MARK2: variants seen among roughly 807,000 people sequenced by gnomAD.
MARK2 encodes the protein serine/threonine-protein kinase MARK2.
Under a neutral mutation model 89.8 loss-of-function variants are expected in MARK2, and 16 were observed. The ratio of observed to expected loss-of-function variants is 0.18; its 90% CI spans 0.12 to 0.27. The LOEUF is 0.27. Ranked by LOEUF, MARK2 falls within the 10% of genes least tolerant of loss-of-function variation. MARK2 has a pLI of 1.00. For missense variants in MARK2, 621 were observed against 1,049.9 expected (o/e 0.59, Z 5.65); for synonymous variants, 382 against 399.5 (o/e 0.96, Z 0.52).
rs561231022 is a variant in MARK2 at position 63,866,496 on chromosome 11, A to G, written c.54+26936A>G. Among the ~76,000 whole-genome samples, 32 of 152,332 alleles carry G rather than the reference A, an allele frequency of 2.1e-4. 1 individual carries two copies. Among genetic ancestry groups the G allele is most frequent in the South Asian group, 1.4e-3 (7 of 4,830 alleles). Reference sequence around the variant, plus strand: ...ATCTCTTAATGACAAAATGTCAAACACTGATGTTAAACCTTCATTATGACT... The same window carrying G: ...ATCTCTTAATGACAAAATGTCAAACGCTGATGTTAAACCTTCATTATGACT... On this transcript the variant is annotated intron_variant, in intron 1 of 18. Coordinates refer to ENST00000402010, the MANE Select transcript of MARK2 (RefSeq NM_001039469.3).
At chr11:63,889,013 C>A in intron 1 of MARK2, 1 of 1,295,336 alleles carries the variant, frequency 7.7e-7, no homozygotes, top group Non-Finnish European at 1.0e-6. Flanking sequence ...CTCTTTCTTT[C>A]CTCTCATCTC....
chr11:63,902,141 A>G lies in MARK2; in HGVS notation c.1102-57A>G, dbSNP rs574319745. The stretch of plus-strand genomic sequence containing the variant: ...GCGGTATGTGTAAATGTGTCCATCC[A>G]TAGGGATCTCCACATGACTTCTGCC... On this transcript the variant is annotated intron_variant, in intron 11 of 18. Transcript: ENST00000402010. The surrounding 1 kb of genome is among the most constrained non-coding windows in gnomAD (Gnocchi z 4.2). 1.3e-4 allele frequency: 213 copies of G among 1,598,464 alleles called. 3 individuals carry two copies. Among genetic ancestry groups the G allele is most frequent in the South Asian group, 9.9e-4 (90 of 90,554 alleles).
At chr11:63,867,944 A>G (rs1485156070) in intron 1 of MARK2, among the ~76,000 whole-genome samples, 1 of 152,134 alleles carries the variant, frequency 6.6e-6, no homozygotes, top group Non-Finnish European at 1.5e-5. Flanking sequence ...GGATTGTGTG[A>G]TTTGTGCTTA....
At chr11:63,873,082 C>T (rs1481724062) in intron 1 of MARK2, among the ~76,000 whole-genome samples, 1 of 152,016 alleles carries the variant, frequency 6.6e-6, no homozygotes. Context: ...ACTCATTCTG[C>T]TGTTACTGGA....
At chr11:63,868,571 C>T (rs565509588) in intron 1 of MARK2, 11 of 330,502 alleles carry the variant, frequency 3.3e-5, no homozygotes, top group African/African-American at 1.3e-4. Context: ...GTTAAGAACT[C>T]GGAGAGGAAA....
At chr11:63,883,731 C>T (rs1939236602) in intron 1 of MARK2, among the ~76,000 whole-genome samples, 2 of 152,096 alleles carry the variant, frequency 1.3e-5, no homozygotes, top group Non-Finnish European at 2.9e-5. Context: ...ATTGCAGGCA[C>T]TTGTCACCAC....
At chr11:63,848,879 T>C (rs1421757281) in intron 1 of MARK2, among the ~76,000 whole-genome samples, 1 of 151,360 alleles carries the variant, frequency 6.6e-6, no homozygotes, top group East Asian at 1.9e-4. Context: ...TGGCTAATTT[T>C]TGTATTTTTA....
intron 1 of MARK2, among the ~76,000 whole-genome samples, chr11:63,865,412 A>C (rs7952003): frequency 0.058 from 8,755 of 152,170 alleles, 855 homozygotes; most frequent in African/African-American, 0.2. Flanking sequence ...GGAAAAGCCA[A>C]GGTCCATGTA....
Position 63,903,207 on chromosome 11 carries a change from A to C in MARK2, c.1514+49A>C. 3.3e-5 allele frequency: 45 copies of C among 1,372,668 alleles called. No individual in the cohort carries two copies. Among genetic ancestry groups the C allele is most frequent in the Non-Finnish European group, 4.3e-5 (42 of 966,354 alleles). The allele number at this position is 1,372,668 out of a possible 1,614,324, so 85.0% of individuals were successfully genotyped here. ...CCTCACTCCCTAGGAGCCATGTCTC[A>C]CAGGGTGATGTCTGTCAGCAGCACC... On this transcript the variant is annotated intron_variant, in intron 14 of 18. Transcript: ENST00000402010. The surrounding 1 kb of genome is among the most constrained non-coding windows in gnomAD (Gnocchi z 5.1).
intron 1 of MARK2, among the ~76,000 whole-genome samples, chr11:63,856,271 T>G (rs1281922192): frequency 6.6e-6 from 1 of 150,816 alleles, no homozygotes; most frequent in Non-Finnish European, 1.5e-5. Context: ...AGATAACTGA[T>G]TTCCTCCTTC....
intron 1 of MARK2, among the ~76,000 whole-genome samples, chr11:63,848,051 C>G (rs1191893036): frequency 6.6e-6 from 1 of 152,210 alleles, no homozygotes; most frequent in Non-Finnish European, 1.5e-5. Flanking sequence ...AGGAAACAAC[C>G]TGTAGGAAAG....
chr11:63,906,007 AC>A, intron 16 of MARK2, 80 bp from the exon 17 acceptor site: 1 of 1,204,126 alleles, frequency 8.3e-7, no homozygotes, highest in Non-Finnish European at 1.1e-6. Context: ...CACCTCCCCC[AC>A]CTGCTTATCC....
intron 1 of MARK2, among the ~76,000 whole-genome samples, chr11:63,887,548 C>T (rs1939475663): frequency 6.6e-6 from 1 of 152,220 alleles, no homozygotes; most frequent in Admixed American, 6.5e-5. Context: ...TGCTTAAGTG[C>T]TGTGAGAGCA....
At chr11:63,845,323 T>C (rs2016226296) in intron 1 of MARK2, among the ~76,000 whole-genome samples, 2 of 152,124 alleles carry the variant, frequency 1.3e-5, no homozygotes, top group Non-Finnish European at 2.9e-5. Flanking sequence ...AAAGCAAAAA[T>C]TGAGAAGGAT....
At chr11:63,872,168 C>T (rs1938489256) in intron 1 of MARK2, among the ~76,000 whole-genome samples, 3 of 152,312 alleles carry the variant, frequency 2.0e-5, no homozygotes, top group South Asian at 4.1e-4. Context: ...ATATTTCTGT[C>T]ACTAAACAGC....
Position 63,895,264 on chromosome 11 carries a change from C to T in MARK2, c.160C>T (p.Arg54Trp), listed in dbSNP as rs1940278789. ...ADEQPHIGNYRLLKTIGKGNF... is the reference protein window; with the variant it reads ...ADEQPHIGNYWLLKTIGKGNF... ...TGAGCAGCCCCACATTGGAAACTACCGGCTCCTCAAGACCATTGGCAAGGG... is the reference window on the plus strand; with the variant it reads ...TGAGCAGCCCCACATTGGAAACTACTGGCTCCTCAAGACCATTGGCAAGGG... The change falls in exon 2 of 19, where the codon CGG (arginine) becomes TGG (tryptophan). Residue 54 changes from arginine to tryptophan, a missense_variant. Coordinates refer to ENST00000402010, the MANE Select transcript of MARK2 (RefSeq NM_001039469.3). The T allele has an allele frequency of 3.1e-6, 5 of 1,614,106 alleles. No homozygotes were observed. The highest frequency in any genetic ancestry group is 2.2e-5 in the East Asian group (1 of 44,884).
At chr11:63,888,556 C>A in intron 1 of MARK2, 1 of 1,072,480 alleles carries the variant, frequency 9.3e-7, no homozygotes, top group African/African-American at 1.7e-5. Context: ...CCTTCCTGCC[C>A]TATTCCCCTC....
chr11:63,888,402 C>G (rs1015499865), intron 1 of MARK2: 2 of 361,430 alleles, frequency 5.5e-6, no homozygotes, highest in Admixed American at 6.1e-5. Context: ...TTATGACAGC[C>G]GTGGCTGCAG....
rs1265528031 is a variant in MARK2 at position 63,895,575 on chromosome 11, C to T, written c.235-5C>T. ...TGATTTGGGGCCTTTTTGTCTCATC[C>T]TCAGGTAGCTGTGAAGATCATTGAC... On this transcript the variant is annotated splice_region_variant and splice_polypyrimidine_tract_variant and intron_variant, in intron 2 of 18. Transcript: ENST00000402010. The T allele has an allele frequency of 1.2e-6, 2 of 1,613,104 alleles. No individual in the cohort carries two copies. Among genetic ancestry groups the T allele is most frequent in the Non-Finnish European group, 1.7e-6 (2 of 1,179,690 alleles).
Sources: gnomAD v4.1 joint callset for allele counts (sites outside exome capture counted in the v4.1 genomes callset) on GRCh38, gnomAD v4.1.1 for gene constraint, Gnocchi (gnomAD v3.1) non-coding constraint, MANE v1.5 for transcripts, NCBI Gene and HGNC (gene_info 2026-07-23, HGNC 2026-07-21) for gene names.